Variants in ST3GAL1 observed in about 807,000 individuals in gnomAD.
The protein encoded by ST3GAL1 is CMP-N-acetylneuraminate-beta-galactosamide-alpha-2,3-sialyltransferase 1.
A neutral mutation model predicts 34.1 loss-of-function variants in ST3GAL1; 16 were observed. The observed-to-expected ratio is 0.47, with a 90% CI of 0.32 to 0.71. The LOEUF (loss-of-function observed/expected upper bound fraction) is 0.71. Among genes scored for constraint, ST3GAL1 ranks in the 30% least tolerant of loss-of-function variants. The pLI is 0.04. For synonymous variants in ST3GAL1, 191 were observed against 184.7 expected (o/e 1.03, Z -0.28); for missense variants, 353 against 447.4 (o/e 0.79, Z 1.90).
chr8:133,540,596 A>G (rs1296127429), intron 2 of ST3GAL1, among the ~76,000 whole-genome samples: 1 of 151,588 alleles, frequency 6.6e-6, no homozygotes, highest in Non-Finnish European at 1.5e-5. Flanking sequence ...CCTGTCCGTC[A>G]TGTGACTTTG....
chr8:133,496,067 A>G (rs1002580634), intron 3 of ST3GAL1, among the ~76,000 whole-genome samples: 2 of 152,170 alleles, frequency 1.3e-5, no homozygotes, highest in Non-Finnish European at 2.9e-5. Context: ...CTGGTCAACC[A>G]CTGAGCTGCC....
At chr8:133,525,056 T>C (rs1157545299) in intron 2 of ST3GAL1, among the ~76,000 whole-genome samples, 4 of 152,198 alleles carry the variant, frequency 2.6e-5, no homozygotes, top group Admixed American at 6.5e-5. Flanking sequence ...AGTCCCACCA[T>C]TCAGCGGGTC....
intron 2 of ST3GAL1, among the ~76,000 whole-genome samples, chr8:133,505,796 T>A (rs1381312406): frequency 6.6e-6 from 1 of 151,788 alleles, no homozygotes; most frequent in Admixed American, 6.6e-5. Context: ...GGAGACAGGG[T>A]TTCACTATAT....
intron 5 of ST3GAL1, among the ~76,000 whole-genome samples, chr8:133,472,985 C>T (rs1239061038): frequency 6.6e-6 from 1 of 152,060 alleles, no homozygotes; most frequent in East Asian, 1.9e-4. Flanking sequence ...TCCCATGTAA[C>T]ACGAAGGAGG....
intron 2 of ST3GAL1, among the ~76,000 whole-genome samples, chr8:133,518,628 G>GCC (rs1351413389): frequency 6.6e-6 from 1 of 152,144 alleles, no homozygotes; most frequent in Admixed American, 6.5e-5. Context: ...AGCAAACACA[G>GCC]CCCCACCCAG....
At chr8:133,555,980 G>A (rs1196963594) in intron 1 of ST3GAL1, among the ~76,000 whole-genome samples, 14 of 152,036 alleles carry the variant, frequency 9.2e-5, no homozygotes, top group Admixed American at 4.6e-4. Flanking sequence ...TGCAACCTCC[G>A]CCTCCCAAGT....
At chr8:133,549,707 AAT>A (rs1163943634) in intron 1 of ST3GAL1, among the ~76,000 whole-genome samples, 34 of 152,308 alleles carry the variant, frequency 2.2e-4, no homozygotes, top group Admixed American at 5.2e-4. Flanking sequence ...TCACGCCTGT[AAT>A]CCTAACACTT....
At chr8:133,551,278 G>A (rs537871813) in intron 1 of ST3GAL1, among the ~76,000 whole-genome samples, 2 of 152,080 alleles carry the variant, frequency 1.3e-5, no homozygotes, top group East Asian at 3.9e-4. Flanking sequence ...GATTATCCTG[G>A]CCAACATGGT....
At chr8:133,489,121 G>A (rs1336846596) in intron 3 of ST3GAL1, among the ~76,000 whole-genome samples, 6 of 152,132 alleles carry the variant, frequency 3.9e-5, no homozygotes, top group Non-Finnish European at 5.9e-5. Context: ...CCTAGGGTTG[G>A]AAACAGTCCC....
At chr8:133,514,155 G>A (rs966739922) in intron 2 of ST3GAL1, among the ~76,000 whole-genome samples, 5 of 152,172 alleles carry the variant, frequency 3.3e-5, no homozygotes, top group Non-Finnish European at 5.9e-5. Flanking sequence ...AGGCTACAAA[G>A]AGTAGTTTTA....
intron 2 of ST3GAL1, among the ~76,000 whole-genome samples, chr8:133,514,192 A>G (rs75528406): frequency 0.024 from 3,707 of 152,336 alleles, 146 homozygotes; most frequent in East Asian, 0.18. Flanking sequence ...AGTGACACAG[A>G]CAACAAAGGT....
intron 5 of ST3GAL1, among the ~76,000 whole-genome samples, chr8:133,474,587 T>C (rs1311646743): frequency 6.6e-6 from 1 of 152,146 alleles, no homozygotes; most frequent in African/African-American, 2.4e-5. Flanking sequence ...CTCTCAGGCC[T>C]CGTCTCACTG....
In ST3GAL1 at chr8:133,562,848, TTC is replaced by T. The variant is rs1247860661; in HGVS notation, c.-582+8843_-582+8844del. On this transcript the variant is annotated intron_variant, in intron 1 of 9. Coordinates refer to ENST00000522652, the MANE Select transcript of ST3GAL1 (RefSeq NM_173344.3). ...TTCCTTCCTTCCTTCCTTCCTTTCT[TTC>T]TTTTTTTTTTTTTTTTTCCCACTGG... Among the ~76,000 whole-genome samples, 119 of 74,870 alleles carry T rather than the reference TTC, an allele frequency of 1.6e-3. 1 individual carries two copies. Among genetic ancestry groups the T allele is most frequent in the Non-Finnish European group, 2.7e-3 (87 of 32,188 alleles). 49.1% of individuals were successfully genotyped at this position (74,870 alleles called of 152,430 possible).
In ST3GAL1 at chr8:133,492,107, G is replaced by A. The variant is rs536202731; in HGVS notation, c.-374+7028C>T. 2.7e-3 allele frequency among the ~76,000 whole-genome samples: 417 copies of A among 152,246 alleles called. 3 individuals are homozygous for A. The highest frequency in any genetic ancestry group is 9.4e-3 in the African/African-American group (389 of 41,552). The stretch of plus-strand genomic sequence containing the variant: ...TGGTGAGGCTCGGGATGGACGATAC[G>A]AGGGGACACTGGGCAGCTTGGACCA... On this transcript the variant is annotated intron_variant, in intron 3 of 9. Coordinates refer to ENST00000522652, the MANE Select transcript of ST3GAL1 (RefSeq NM_173344.3).
chr8:133,495,775 G>T (rs1374234172), intron 3 of ST3GAL1, among the ~76,000 whole-genome samples: 1 of 152,212 alleles, frequency 6.6e-6, no homozygotes, highest in Non-Finnish European at 1.5e-5. Flanking sequence ...CTATATGGGC[G>T]TTCTGCCTGC....
At chr8:133,548,114 C>A (rs1818722087) in intron 1 of ST3GAL1, among the ~76,000 whole-genome samples, 1 of 152,170 alleles carries the variant, frequency 6.6e-6, no homozygotes, top group Non-Finnish European at 1.5e-5. Flanking sequence ...AGTTAGGAGT[C>A]AGGGTCCAGG....
chr8:133,551,617 A>C (rs931354308), intron 1 of ST3GAL1, among the ~76,000 whole-genome samples: 12 of 141,754 alleles, frequency 8.5e-5, no homozygotes, highest in South Asian at 4.5e-4. Flanking sequence ...AAAGAAAGAA[A>C]GAGCGAGCAA....
chr8:133,472,855 G>GAAAA (rs143465666), intron 5 of ST3GAL1, among the ~76,000 whole-genome samples: 11 of 119,838 alleles, frequency 9.2e-5, no homozygotes, highest in African/African-American at 3.0e-4. Flanking sequence ...AATTAGTACT[G>GAAAA]AAAAAAAAAA....
At chr8:133,538,669 C>T (rs962845270) in intron 2 of ST3GAL1, among the ~76,000 whole-genome samples, 3 of 152,238 alleles carry the variant, frequency 2.0e-5, no homozygotes, top group Admixed American at 2.0e-4. Context: ...AGACATCCCA[C>T]CTTCACACCA....
Sources: gnomAD v4.1 joint callset for allele counts (sites outside exome capture counted in the v4.1 genomes callset) on GRCh38, gnomAD v4.1.1 for gene constraint, MANE v1.5 for transcripts, NCBI Gene and HGNC (gene_info 2026-07-23, HGNC 2026-07-21) for gene names.